WWOX: variants seen among roughly 807,000 people sequenced by gnomAD.
WWOX encodes the protein WW domain-containing oxidoreductase.
In WWOX, 69 loss-of-function variants were observed where a neutral mutation model predicts 46.2. That is an observed-to-expected ratio of 1.49 (90% confidence interval 1.23 to 1.82). The LOEUF (loss-of-function observed/expected upper bound fraction) is 1.82, where lower values mean the gene tolerates loss of function less well. Among genes scored for constraint, WWOX ranks in the 40% most tolerant of loss-of-function variants. WWOX has a pLI of 0.00. For synonymous variants in WWOX, 359 were observed against 202.6 expected (o/e 1.77, Z -6.56); for missense variants, 919 against 542.6 (o/e 1.69, Z -6.89).
intron 8 of WWOX, among the ~76,000 whole-genome samples, chr16:78,845,345 A>G (rs1450154662): frequency 1.3e-5 from 2 of 152,312 alleles, no homozygotes; most frequent in African/African-American, 2.4e-5. Context: ...GTCTGCATGT[A>G]GAAATTCACA....
intron 8 of WWOX, among the ~76,000 whole-genome samples, chr16:78,861,159 T>G (rs1280262180): frequency 6.6e-6 from 1 of 152,104 alleles, no homozygotes; most frequent in African/African-American, 2.4e-5. Context: ...CCTCCCTCTC[T>G]CTCTTTCTTC....
intron 8 of WWOX, among the ~76,000 whole-genome samples, chr16:78,927,145 C>A (rs923192502): frequency 6.6e-6 from 1 of 152,200 alleles, no homozygotes; most frequent in African/African-American, 2.4e-5. Context: ...TTTCTCCAGC[C>A]TGAGTTTTCT....
At chr16:78,607,014 A>G (rs1243883894) in intron 8 of WWOX, among the ~76,000 whole-genome samples, 1 of 152,108 alleles carries the variant, frequency 6.6e-6, no homozygotes, top group African/African-American at 2.4e-5. Flanking sequence ...TCTGCCCACA[A>G]CCTGGTGAAC....
chr16:78,453,379 C>T (rs893659896), intron 8 of WWOX, among the ~76,000 whole-genome samples: 16 of 150,792 alleles, frequency 1.1e-4, no homozygotes, highest in East Asian at 2.0e-4. Flanking sequence ...GTGGAGATCA[C>T]GCCACAGCAC....
chr16:79,056,477 G>A (rs1310199398), intron 8 of WWOX, among the ~76,000 whole-genome samples: 1 of 152,160 alleles, frequency 6.6e-6, no homozygotes, highest in Non-Finnish European at 1.5e-5. Flanking sequence ...TGGGACAAAG[G>A]CATTATAAGC....
chr16:78,725,892 C>T (rs572342078), intron 8 of WWOX, among the ~76,000 whole-genome samples: 1 of 151,942 alleles, frequency 6.6e-6, no homozygotes, highest in Non-Finnish European at 1.5e-5. Context: ...CACATTGGGT[C>T]TCTCTGTCTC....
intron 8 of WWOX, among the ~76,000 whole-genome samples, chr16:78,462,700 G>T (rs2083979947): frequency 6.6e-6 from 1 of 152,280 alleles, no homozygotes; most frequent in Middle Eastern, 3.4e-3. Context: ...AACTGGAAAG[G>T]TGCAATAACA....
intron 8 of WWOX, among the ~76,000 whole-genome samples, chr16:78,760,581 G>A (rs978695877): frequency 6.6e-6 from 1 of 152,144 alleles, no homozygotes; most frequent in Admixed American, 6.5e-5. Flanking sequence ...AATGCACTTG[G>A]GGTTTTGTGT....
At chr16:78,396,432 C>A (rs7191058) in intron 6 of WWOX, among the ~76,000 whole-genome samples, 8,309 of 152,194 alleles carry the variant, frequency 0.055, 650 homozygotes, top group African/African-American at 0.17. Flanking sequence ...CCAACAGAAT[C>A]CTAGGTTTAA....
intron 8 of WWOX, among the ~76,000 whole-genome samples, chr16:79,009,338 C>G (rs542452312): frequency 6.6e-6 from 1 of 152,308 alleles, no homozygotes; most frequent in Admixed American, 6.5e-5. Context: ...CTGCTCTGCA[C>G]TGCTGTGGCT....
intron 8 of WWOX, among the ~76,000 whole-genome samples, chr16:78,744,556 C>T (rs62036149): frequency 7.3e-5 from 11 of 151,182 alleles, no homozygotes; most frequent in East Asian, 3.9e-4. Flanking sequence ...CTCAGCCTCC[C>T]GAGTAGCTGG....
intron 8 of WWOX, among the ~76,000 whole-genome samples, chr16:78,615,860 C>T (rs764453843): frequency 6.6e-6 from 1 of 151,744 alleles, no homozygotes; most frequent in Non-Finnish European, 1.5e-5. Context: ...ACGCCATTCT[C>T]CTGCCTCAGC....
intron 5 of WWOX, among the ~76,000 whole-genome samples, chr16:78,279,865 G>A (rs1347894958): frequency 6.6e-6 from 1 of 152,240 alleles, no homozygotes. Flanking sequence ...TTTTCCTGAC[G>A]ATTGGTCCTT....
At chr16:78,717,264 G>A (rs2048585971) in intron 8 of WWOX, among the ~76,000 whole-genome samples, 1 of 152,166 alleles carries the variant, frequency 6.6e-6, no homozygotes. Context: ...GAAAACCATG[G>A]AATATAGAGA....
At chr16:78,329,905 A>ACCAGCTAAT (rs1457737485) in intron 5 of WWOX, among the ~76,000 whole-genome samples, 2 of 151,752 alleles carry the variant, frequency 1.3e-5, no homozygotes, top group Non-Finnish European at 2.9e-5. Flanking sequence ...TACCACCATG[A>ACCAGCTAAT]CCAGCTAATC....
chr16:78,541,800 A>C (rs991051943), intron 8 of WWOX, among the ~76,000 whole-genome samples: 7 of 152,222 alleles, frequency 4.6e-5, no homozygotes, highest in African/African-American at 1.4e-4. Context: ...GAACTCAGCA[A>C]ATGGACTACT....
chr16:78,872,472 G>A (rs1359066659), intron 8 of WWOX, among the ~76,000 whole-genome samples: 1 of 152,176 alleles, frequency 6.6e-6, no homozygotes, highest in African/African-American at 2.4e-5. Flanking sequence ...GAATTACAGT[G>A]GGGGATAAAG....
At chr16:79,053,756 G>A (rs1056208585) in intron 8 of WWOX, among the ~76,000 whole-genome samples, 2 of 152,140 alleles carry the variant, frequency 1.3e-5, no homozygotes, top group East Asian at 1.9e-4. Flanking sequence ...TGTACCTTAA[G>A]TTTATAGTTA....
intron 8 of WWOX, among the ~76,000 whole-genome samples, chr16:78,903,904 GTC>G (rs1350115691): frequency 3.9e-5 from 6 of 152,156 alleles, no homozygotes; most frequent in African/African-American, 1.4e-4. Context: ...ACAGAGGTGG[GTC>G]TGAAGGTACA....
Sources: allele counts gnomAD v4.1 joint callset (sites outside exome capture counted in the v4.1 genomes callset), GRCh38; gene constraint gnomAD v4.1.1; transcripts MANE v1.5; gene names NCBI Gene and HGNC (gene_info 2026-07-23, HGNC 2026-07-21).